Variants in ULK4 observed in about 807,000 individuals in gnomAD.
ULK4 encodes inactive serine/threonine-protein kinase ULK4.
A neutral mutation model predicts 160.6 loss-of-function variants in ULK4; 133 were observed. That is an observed-to-expected ratio of 0.83 (90% CI 0.72 to 0.96). The LOEUF (loss-of-function observed/expected upper bound fraction) is 0.96, where lower values mean the gene tolerates loss of function less well. Among genes scored for constraint, ULK4 ranks in the 40% least tolerant of loss-of-function variants. The pLI is 0.00. For synonymous variants in ULK4, 534 were observed against 539.8 expected, an observed-to-expected ratio of 0.99 and a Z score of 0.15; for missense variants, 1,580 against 1,499.5, an observed-to-expected ratio of 1.05 and a Z score of -0.89.
intron 22 of ULK4, among the ~76,000 whole-genome samples, chr3:41,721,355 TATATATA>T (rs1235844518): frequency 1.5e-5 from 1 of 68,326 alleles, no homozygotes; most frequent in African/African-American, 7.5e-5. Context: ...TATATATATA[TATATATA>T]TTTTTTTTTT....
At chr3:41,747,570 G>T (rs1204033847) in intron 22 of ULK4, among the ~76,000 whole-genome samples, 2 of 152,146 alleles carry the variant, frequency 1.3e-5, no homozygotes, top group African/African-American at 4.8e-5. Flanking sequence ...AAATTCATAT[G>T]TTGAAGCCCT....
chr3:41,853,288 T>A (rs927104779), intron 17 of ULK4, among the ~76,000 whole-genome samples: 1 of 152,178 alleles, frequency 6.6e-6, no homozygotes, highest in African/African-American at 2.4e-5. Flanking sequence ...GAACTGCTAC[T>A]GTGGTACTCA....
chr3:41,353,672 AAAT>A (rs142972443), intron 35 of ULK4, among the ~76,000 whole-genome samples: 4 of 142,396 alleles, frequency 2.8e-5, no homozygotes, highest in East Asian at 2.1e-4. Context: ...TTTCTCTAAT[AAAT>A]AATAATAATA....
chr3:41,416,317 A>G (rs934872521), intron 34 of ULK4, among the ~76,000 whole-genome samples: 3 of 152,022 alleles, frequency 2.0e-5, no homozygotes, highest in African/African-American at 4.8e-5. Context: ...CGTATTTCCT[A>G]TTTTTTTCTG....
chr3:41,597,722 C>A (rs570927453), intron 31 of ULK4, among the ~76,000 whole-genome samples: 1 of 152,216 alleles, frequency 6.6e-6, no homozygotes, highest in South Asian at 2.1e-4. Flanking sequence ...TTGATTACTG[C>A]CCCAAGAATG....
intron 22 of ULK4, among the ~76,000 whole-genome samples, chr3:41,737,966 G>T (rs1476094361): frequency 1.3e-5 from 2 of 151,946 alleles, no homozygotes; most frequent in Non-Finnish European, 2.9e-5. Flanking sequence ...AGGTAGGCTA[G>T]TATGGTAAGA....
At chr3:41,551,828 C>G (rs2087079834) in intron 32 of ULK4, among the ~76,000 whole-genome samples, 1 of 151,960 alleles carries the variant, frequency 6.6e-6, no homozygotes, top group South Asian at 2.1e-4. Context: ...CCCTACAGGC[C>G]AAGAGCCCTG....
At chr3:41,819,298 A>T in intron 19 of ULK4, 125 bp downstream of exon 19, 1 of 810,998 alleles carries the variant, frequency 1.2e-6, no homozygotes, top group Non-Finnish European at 1.9e-6. Context: ...TGTCGGGATT[A>T]TTTAAATTCA....
At chr3:41,611,516 G>C (rs2125677347) in intron 31 of ULK4, among the ~76,000 whole-genome samples, 1 of 152,256 alleles carries the variant, frequency 6.6e-6, no homozygotes, top group African/African-American at 2.4e-5. Context: ...TGTATCTTAT[G>C]TTGCCAGCCC....
chr3:41,271,262 C>T (rs892993888), intron 35 of ULK4, among the ~76,000 whole-genome samples: 1 of 152,118 alleles, frequency 6.6e-6, no homozygotes, highest in African/African-American at 2.4e-5. Context: ...TCCTTTCTGT[C>T]GTCATATGCT....
rs771720631 is a variant in ULK4 at position 41,898,415 on chromosome 3, G to A, written c.1348+17C>T. 4 of 1,527,110 alleles carry A rather than the reference G, an allele frequency of 2.6e-6. No individual in the cohort carries two copies. The highest frequency in any genetic ancestry group is 3.6e-6 in the Non-Finnish European group (4 of 1,121,008). 94.6% of individuals were successfully genotyped at this position (1,527,110 alleles called of 1,614,324 possible). A position where few individuals can be genotyped will look rare whatever the true frequency, so the allele number is the denominator to read the frequency against. ...TACAAAGAGTCTACATGTTCGATAAGTCCTTTATGATCCTACCTGAATATG... is the reference window on the plus strand; with the variant it reads ...TACAAAGAGTCTACATGTTCGATAAATCCTTTATGATCCTACCTGAATATG... On this transcript the variant is annotated intron_variant, in intron 14 of 36. Transcript: ENST00000301831.
chr3:41,804,424 T>C (rs1052990585), intron 19 of ULK4, among the ~76,000 whole-genome samples: 11 of 151,836 alleles, frequency 7.2e-5, no homozygotes, highest in East Asian at 5.8e-4. Flanking sequence ...TTCTCCCATT[T>C]TGTAGGTTGC....
intron 31 of ULK4, among the ~76,000 whole-genome samples, chr3:41,568,404 ACT>A (rs1392625116): frequency 6.6e-6 from 1 of 152,246 alleles, no homozygotes; most frequent in East Asian, 1.9e-4. Flanking sequence ...ATACTTCTAG[ACT>A]CTGTCAGCTA....
chr3:41,559,933 GC>G (rs2087498326), intron 32 of ULK4, among the ~76,000 whole-genome samples: 2 of 152,136 alleles, frequency 1.3e-5, no homozygotes, highest in Non-Finnish European at 2.9e-5. Context: ...TAGTCATGAA[GC>G]CCTTGCCCAT....
intron 32 of ULK4, among the ~76,000 whole-genome samples, chr3:41,522,629 G>C (rs2085971546): frequency 6.6e-6 from 1 of 152,112 alleles, no homozygotes; most frequent in Non-Finnish European, 1.5e-5. Context: ...AAAATGGAAA[G>C]TTCTCTTTAT....
At chr3:41,715,192 A>T in intron 25 of ULK4, 45 bp downstream of exon 25, 1 of 1,574,114 alleles carries the variant, frequency 6.4e-7, no homozygotes, top group Non-Finnish European at 8.7e-7. Flanking sequence ...ACAGTAGAGG[A>T]AGTCACAATT....
intron 19 of ULK4, among the ~76,000 whole-genome samples, chr3:41,808,801 G>T (rs559166442): frequency 6.6e-6 from 1 of 152,124 alleles, no homozygotes; most frequent in Non-Finnish European, 1.5e-5. Context: ...GACAAATGCC[G>T]TCAGGGCAAA....
At chr3:41,251,960 C>T (rs1015525947) in intron 35 of ULK4, among the ~76,000 whole-genome samples, 2 of 152,126 alleles carry the variant, frequency 1.3e-5, no homozygotes, top group Non-Finnish European at 2.9e-5. Flanking sequence ...TGCATGGAAC[C>T]GATCCCAATA....
rs2129648 is a variant in ULK4, at chr3:41,301,148, T to A, written c.3679-51574A>T. 2.2e-3 allele frequency among the ~76,000 whole-genome samples: 332 copies of A among 151,938 alleles called. 1 individual carries two copies. The highest frequency in any genetic ancestry group is 0.016 in the East Asian group (81 of 5,140). ...TGAATCATTTATTGCCTGGGGATCA[T>A]CCACACTGCCTGCTGCCTTCATTAG... On this transcript the variant is annotated intron_variant, in intron 35 of 36. Coordinates refer to ENST00000301831, the MANE Select transcript of ULK4 (RefSeq NM_017886.4).
Sources: gnomAD v4.1 joint callset for allele counts (sites outside exome capture counted in the v4.1 genomes callset) on GRCh38, gnomAD v4.1.1 for gene constraint, MANE v1.5 for transcripts, NCBI Gene and HGNC (gene_info 2026-07-23, HGNC 2026-07-21) for gene names.